The following CATSPER3 variants were observed in gnomAD, a reference collection of about 807,000 sequenced individuals.
The protein encoded by CATSPER3 is cation channel sperm-associated protein 3.
CATSPER3 carries 23 observed loss-of-function variants against 36.6 expected under a neutral mutation model. The ratio of observed to expected loss-of-function variants is 0.63; its 90% confidence interval spans 0.45 to 0.89. The LOEUF (loss-of-function observed/expected upper bound fraction) is 0.89. Among genes scored for constraint, CATSPER3 ranks in the 40% least tolerant of loss-of-function variants. The pLI, the probability that CATSPER3 is intolerant of heterozygous loss-of-function variation, is 0.00. For missense variants in CATSPER3, 474 were observed against 503.9 expected (o/e 0.94, Z 0.57); for synonymous variants, 172 against 184.1 (o/e 0.93, Z 0.53).
intron 2 of CATSPER3, among the ~76,000 whole-genome samples, chr5:134,984,139 A>G (rs75775583): frequency 0.014 from 2,189 of 152,348 alleles, 22 homozygotes; most frequent in Middle Eastern, 0.024. Context: ...AATTAACTCA[A>G]TGGAATAAAG....
At chr5:134,992,211 T>G (rs1040003873) in intron 2 of CATSPER3, among the ~76,000 whole-genome samples, 4 of 150,690 alleles carry the variant, frequency 2.7e-5, no homozygotes, top group Admixed American at 6.6e-5. Flanking sequence ...ATCTAGAATA[T>G]ATAAAGAACT....
intron 2 of CATSPER3, among the ~76,000 whole-genome samples, chr5:134,989,620 TTGAAGAGAATTAGGG>T (rs1751854991): frequency 6.6e-6 from 1 of 152,214 alleles, no homozygotes; most frequent in Non-Finnish European, 1.5e-5. Flanking sequence ...CTTCAAACAA[TTGAAGAGAATTAGGG>T]CCTTGCTCTG....
chr5:134,995,030 T>C (rs1161577644), intron 2 of CATSPER3, among the ~76,000 whole-genome samples: 2 of 151,652 alleles, frequency 1.3e-5, no homozygotes, highest in African/African-American at 4.8e-5. Context: ...TCTTTTTCCT[T>C]CCTTCCTTCC....
intron 3 of CATSPER3, among the ~76,000 whole-genome samples, chr5:135,005,715 A>G (rs1272935336): frequency 1.3e-5 from 2 of 152,270 alleles, no homozygotes; most frequent in Non-Finnish European, 2.9e-5. Flanking sequence ...TCTACCTATG[A>G]CAATGAACCT....
rs537679476 is a variant in CATSPER3 at position 135,003,985 on chromosome 5, A to G, written c.493-3972A>G. On this transcript the variant is annotated intron_variant, in intron 3 of 7. Transcript: ENST00000282611. ...CTGCACCCGCTGTCCGACAAGCCCCAGTGAGATGAACTCAGTACCTCAGTT... is the reference window on the plus strand; with the variant it reads ...CTGCACCCGCTGTCCGACAAGCCCCGGTGAGATGAACTCAGTACCTCAGTT... Among the ~76,000 whole-genome samples, 4 of 152,350 alleles carry G rather than the reference A, an allele frequency of 2.6e-5. No individual in the cohort carries two copies. In the East Asian group the frequency reaches 7.7e-4, roughly 29 times the overall value.
chr5:134,996,801 A>G (rs985657957), intron 3 of CATSPER3, among the ~76,000 whole-genome samples: 2 of 152,212 alleles, frequency 1.3e-5, no homozygotes, highest in Admixed American at 6.5e-5. Context: ...CCACGTCTGA[A>G]CTTTTCCTCT....
intron 4 of CATSPER3, among the ~76,000 whole-genome samples, chr5:135,008,495 G>A (rs1752119454): frequency 6.6e-6 from 1 of 152,216 alleles, no homozygotes; most frequent in Admixed American, 6.5e-5. Flanking sequence ...GAAGAAGCAT[G>A]CAAAACCCAA....
In CATSPER3 at chr5:134,972,173, G is replaced by A. The variant is rs138028481; in HGVS notation, c.252+2081G>A. Among the ~76,000 whole-genome samples, 512 of 152,316 alleles carry A rather than the reference G, an allele frequency of 3.4e-3. 4 individuals are homozygous for A. The highest frequency in any genetic ancestry group is 0.012 in the African/African-American group (495 of 41,566). On this transcript the variant is annotated intron_variant, in intron 2 of 7. Coordinates refer to ENST00000282611, the MANE Select transcript of CATSPER3 (RefSeq NM_178019.3). ...AATACAAAATATTCTGAGCACTGAC[G>A]TGACACTCAAAGGAAATGCTTACTG... is the stretch of plus-strand genomic sequence containing the variant.
rs558930640 is a variant in CATSPER3 at position 134,991,869 on chromosome 5, G to A, written c.253-4404G>A. Among the ~76,000 whole-genome samples, 66 of 152,294 alleles carry A rather than the reference G, an allele frequency of 4.3e-4. No homozygotes were observed. The South Asian group carries it at 0.013, about 30-fold the overall frequency. On this transcript the variant is annotated intron_variant, in intron 2 of 7. Coordinates refer to ENST00000282611, the MANE Select transcript of CATSPER3 (RefSeq NM_178019.3). ...AAAGAGGCTGAGTATGATGGTTCAT[G>A]CTTGTAGTTTCAGCACTTTGAGAGG...
At chr5:134,971,711 T>A (rs925225217) in intron 2 of CATSPER3, among the ~76,000 whole-genome samples, 1 of 152,142 alleles carries the variant, frequency 6.6e-6, no homozygotes, top group African/African-American at 2.4e-5. Context: ...TGGTGTGAAC[T>A]TTCAAAGCTG....
At chr5:134,982,039 G>T (rs1751757793) in intron 2 of CATSPER3, among the ~76,000 whole-genome samples, 1 of 152,202 alleles carries the variant, frequency 6.6e-6, no homozygotes, top group Non-Finnish European at 1.5e-5. Flanking sequence ...TGAGGCAGGA[G>T]AATTGCCTGA....
chr5:134,969,893 A>G (rs1173563211), intron 1 of CATSPER3, 46 bp from the exon 2 acceptor site: 3 of 1,604,342 alleles, frequency 1.9e-6, no homozygotes, highest in East Asian at 2.2e-5. Flanking sequence ...ATGGGGATCT[A>G]GCTCTATTGT....
intron 2 of CATSPER3, among the ~76,000 whole-genome samples, chr5:134,983,926 G>T (rs1028815612): frequency 3.3e-5 from 5 of 152,164 alleles, no homozygotes; most frequent in Non-Finnish European, 7.3e-5. Flanking sequence ...CATGGTACTG[G>T]TATAAAAGTA....
chr5:134,975,626 A>T (rs907514726), intron 2 of CATSPER3, among the ~76,000 whole-genome samples: 2 of 152,244 alleles, frequency 1.3e-5, no homozygotes, highest in African/African-American at 4.8e-5. Context: ...TTAAAAGACA[A>T]CAAATAAATG....
At chr5:135,010,746 C>G (rs1752172305) in intron 7 of CATSPER3, among the ~76,000 whole-genome samples, 1 of 152,146 alleles carries the variant, frequency 6.6e-6, no homozygotes, top group Non-Finnish European at 1.5e-5. Flanking sequence ...GCCCCTCCTG[C>G]CCCTCCCCAA....
At chr5:134,996,208 A>G (rs1751943058) in intron 2 of CATSPER3, 65 bp from the exon 3 acceptor site, 1 of 1,610,848 alleles carries the variant, frequency 6.2e-7, no homozygotes, top group East Asian at 2.2e-5. Flanking sequence ...TCACGCAGGG[A>G]GCAGGCCAGA....
intron 3 of CATSPER3, among the ~76,000 whole-genome samples, chr5:134,998,003 A>T (rs1344505869): frequency 2.0e-5 from 3 of 152,122 alleles, no homozygotes; most frequent in Non-Finnish European, 4.4e-5. Context: ...TACATGTGCC[A>T]TGTTGGTGTG....
intron 3 of CATSPER3, among the ~76,000 whole-genome samples, chr5:135,005,764 A>G (rs1752078429): frequency 6.7e-6 from 1 of 150,096 alleles, no homozygotes; most frequent in South Asian, 2.1e-4. Context: ...GAGATGCACA[A>G]ATGTTCATCA....
intron 2 of CATSPER3, among the ~76,000 whole-genome samples, chr5:134,989,297 C>A (rs931715206): frequency 1.3e-5 from 2 of 152,114 alleles, no homozygotes; most frequent in African/African-American, 2.4e-5. Flanking sequence ...TGCATTACCC[C>A]CTAACAAGAG....
Sources: gnomAD v4.1 joint callset for allele counts (sites outside exome capture counted in the v4.1 genomes callset) on GRCh38, gnomAD v4.1.1 for gene constraint, MANE v1.5 for transcripts, NCBI Gene and HGNC (gene_info 2026-07-23, HGNC 2026-07-21) for gene names.